Variants in TNK2 observed in about 807,000 individuals in gnomAD.
TNK2 encodes tyrosine kinase non receptor 2.
Under a neutral mutation model 101.8 loss-of-function variants are expected in TNK2, and 83 were observed. That is an observed-to-expected ratio of 0.82 (90% CI 0.68 to 0.98). The LOEUF is 0.98. TNK2 is among the 50% of genes least tolerant of loss of function. The pLI, the probability that TNK2 is intolerant of heterozygous loss-of-function variation, is 0.00. For synonymous variants in TNK2, 804 were observed against 633.0 expected, an observed-to-expected ratio of 1.27 and a Z score of -4.06; for missense variants, 1,665 against 1,483.2, an observed-to-expected ratio of 1.12 and a Z score of -2.01.
In TNK2 at chr3:195,883,468, C is replaced by T. The variant is rs1249971146; in HGVS notation, c.457-159G>A. 3.0e-5 allele frequency: 25 copies of T among 820,016 alleles called. No homozygotes were observed. The East Asian group carries it at 3.6e-4, about 12-fold the overall frequency. The allele number at this position is 820,016 out of a possible 1,614,324, so 50.8% of individuals were successfully genotyped here. A position where few individuals can be genotyped will look rare whatever the true frequency, so the allele number is the denominator to read the frequency against. On this transcript the variant is annotated intron_variant, in intron 4 of 15. Transcript: ENST00000672887. ...CCAGTGCCTGGGCTTACGTGCTCTG[C>T]GTGAGGCCTGGCTGGAGAAGGGCAG...
intron 12 of TNK2, 80 bp downstream of exon 12, chr3:195,869,417 A>G: frequency 1.5e-6 from 1 of 651,634 alleles, no homozygotes; most frequent in Non-Finnish European, 2.6e-6. Flanking sequence ...CCAGCCGCCC[A>G]GGCTCTGTAC....
At chr3:195,893,583 T>C (rs1759453992) in intron 1 of TNK2, among the ~76,000 whole-genome samples, 1 of 152,074 alleles carries the variant, frequency 6.6e-6, no homozygotes, top group African/African-American at 2.4e-5. Context: ...CTCATGTTTC[T>C]AGAACTGACA....
At chr3:195,887,877 C>CGCGTGCGTACGCACGT (rs1756609154) in intron 2 of TNK2, among the ~76,000 whole-genome samples, 1 of 146,302 alleles carries the variant, frequency 6.8e-6, no homozygotes, top group African/African-American at 2.6e-5. Flanking sequence ...GGCGTGTGAG[C>CGCGTGCGTACGCACGT]GCGTGCGTAC....
chr3:195,893,108 G>A lies in TNK2; in HGVS notation c.-18-4502C>T, dbSNP rs537836421. Among the ~76,000 whole-genome samples the A allele has an allele frequency of 5.3e-5, 8 of 152,046 alleles. No individual in the cohort carries two copies. In the East Asian group the frequency reaches 1.6e-3, roughly 30 times the overall value. On this transcript the variant is annotated intron_variant, in intron 1 of 15. Coordinates refer to ENST00000672887, the MANE Select transcript of TNK2 (RefSeq NM_001382273.1). ...CCTCATGGACCTGTGTGGGGACGTG[G>A]GGACTAACACACAGCCTGAGTGGGA...
At chr3:195,887,725 CTG>C (rs758013880) in intron 2 of TNK2, among the ~76,000 whole-genome samples, 4 of 151,974 alleles carry the variant, frequency 2.6e-5, no homozygotes, top group Non-Finnish European at 5.9e-5. Flanking sequence ...CAGAGCAAAC[CTG>C]TGTGTATGTG....
In TNK2 at chr3:195,863,886, G is replaced by T; in HGVS notation, c.*295C>A. 1 of 425,370 alleles carries T rather than the reference G, an allele frequency of 2.4e-6. No individual in the cohort carries two copies. 26.3% of individuals were successfully genotyped at this position (425,370 alleles called of 1,614,324 possible). A position where few individuals can be genotyped will look rare whatever the true frequency, so the allele number is the denominator to read the frequency against. ...GGCCCCGCCCAGGACCAGGGCCAGA[G>T]GCAGGTCATACCCAGAGCCTGCTGG... On this transcript the variant is annotated 3_prime_UTR_variant, in exon 16 of 16. Coordinates refer to ENST00000672887, the MANE Select transcript of TNK2 (RefSeq NM_001382273.1).
chr3:195,877,223 ATAACACCCC>A (rs1749912007), intron 9 of TNK2, among the ~76,000 whole-genome samples: 1 of 152,110 alleles, frequency 6.6e-6, no homozygotes, highest in African/African-American at 2.4e-5. Flanking sequence ...CTTCCCCAGC[ATAACACCCC>A]TAACCACAGG....
intron 1 of TNK2, among the ~76,000 whole-genome samples, chr3:195,889,570 T>C (rs948589826): frequency 3.3e-5 from 5 of 152,222 alleles, no homozygotes; most frequent in African/African-American, 1.2e-4. Flanking sequence ...TCACTTAATA[T>C]TCGTCTTTCT....
chr3:195,868,215 G>T lies in TNK2; in HGVS notation c.2083C>A (p.Pro695Thr). The change falls in exon 13 of 16, where the codon CCC (proline) becomes ACC (threonine). Residue 695 changes from proline to threonine, a missense_variant. By Grantham distance (38) the Pro-to-Thr change is conservative. This residue lies in a region of TNK2 where 1,136 missense variants were observed against 894.9 expected (regional missense o/e 1.27). Coordinates refer to ENST00000672887, the MANE Select transcript of TNK2 (RefSeq NM_001382273.1). ...YAFVPEQARP[P>T]PPLEDNLFLP... ...AACAGGTTGTCCTCCAGGGGAGGGGGCGGCCGCGCCTGCTCAGGCACAAAG... is the reference window on the plus strand; with the variant it reads ...AACAGGTTGTCCTCCAGGGGAGGGGTCGGCCGCGCCTGCTCAGGCACAAAG... 1.2e-6 allele frequency: 2 copies of T among 1,607,198 alleles called. No homozygotes were observed. Among genetic ancestry groups the T allele is most frequent in the African/African-American group, 2.7e-5 (2 of 74,950 alleles).
chr3:195,892,380 C>G, intron 1 of TNK2: 1 of 1,518,996 alleles, frequency 6.6e-7, no homozygotes, highest in Non-Finnish European at 8.8e-7. Context: ...CCAACCAGTC[C>G]CCAGCAGTCC....
chr3:195,866,303 C>A (rs898127722), intron 15 of TNK2, among the ~76,000 whole-genome samples: 1 of 152,022 alleles, frequency 6.6e-6, no homozygotes, highest in African/African-American at 2.4e-5. Context: ...CAGGTTGAAG[C>A]GATTCTCCTG....
intron 14 of TNK2, 45 bp from the exon 15 acceptor site, chr3:195,867,061 G>T: frequency 1.2e-6 from 2 of 1,610,510 alleles, no homozygotes; most frequent in Non-Finnish European, 8.5e-7. Flanking sequence ...CCAGGGCACC[G>T]ACTAGGGTGG....
chr3:195,901,933 C>T (rs945666898), intron 1 of TNK2, among the ~76,000 whole-genome samples: 4 of 152,152 alleles, frequency 2.6e-5, no homozygotes, highest in African/African-American at 7.2e-5. Flanking sequence ...CATTCACTGA[C>T]GCTGAGTGAA....
At chr3:195,899,716 T>C (rs1260868851) in intron 1 of TNK2, among the ~76,000 whole-genome samples, 13 of 152,230 alleles carry the variant, frequency 8.5e-5, no homozygotes, top group Non-Finnish European at 1.9e-4. Flanking sequence ...AGCACATAAT[T>C]GTGCTGAAGG....
At chr3:195,879,871 C>G (rs1430021963) in intron 6 of TNK2, among the ~76,000 whole-genome samples, 9 of 152,110 alleles carry the variant, frequency 5.9e-5, no homozygotes, top group African/African-American at 2.2e-4. Flanking sequence ...ATAACCCGCC[C>G]ACTTCATCGT....
Position 195,878,006 on chromosome 3 carries a change from C to T in TNK2, c.1256+247G>A, listed in dbSNP as rs1232045235. 1.3e-5 allele frequency among the ~76,000 whole-genome samples: 2 copies of T among 152,034 alleles called. No individual in the cohort carries two copies. The highest frequency in any genetic ancestry group is 2.9e-5 in the Non-Finnish European group (2 of 67,992). The stretch of plus-strand genomic sequence containing the variant: ...ACTCCCTACCCCTCCATAAAGGCAG[C>T]CTGGCCCAACCACACAGCCAGGGCT... On this transcript the variant is annotated intron_variant, in intron 9 of 15. Coordinates refer to ENST00000672887, the MANE Select transcript of TNK2 (RefSeq NM_001382273.1). The surrounding 1 kb of genome is among the most constrained non-coding windows in gnomAD (Gnocchi z 4.7).
At chr3:195,899,475 C>T (rs1177390623) in intron 1 of TNK2, among the ~76,000 whole-genome samples, 5 of 151,932 alleles carry the variant, frequency 3.3e-5, no homozygotes, top group African/African-American at 7.3e-5. Flanking sequence ...TACAAGTGTG[C>T]GCCACCACGC....
At chr3:195,897,820 C>CCCCCCCA (rs1760793149) in intron 1 of TNK2, among the ~76,000 whole-genome samples, 1 of 5,248 alleles carries the variant, frequency 1.9e-4, no homozygotes, top group Non-Finnish European at 2.8e-4. Flanking sequence ...ACCCCCCCAC[C>CCCCCCCA]CCCCCCCCAC....
chr3:195,902,908 C>T (rs539119684), intron 1 of TNK2, among the ~76,000 whole-genome samples: 1 of 151,952 alleles, frequency 6.6e-6, no homozygotes, highest in East Asian at 2.0e-4. Flanking sequence ...TACCATCACA[C>T]CCGGCTAATT....
Sources: allele counts gnomAD v4.1 joint callset (sites outside exome capture counted in the v4.1 genomes callset), GRCh38; gene constraint gnomAD v4.1.1; regional missense constraint gnomAD v4.1.1; non-coding constraint Gnocchi (gnomAD v3.1); transcripts MANE v1.5; gene names NCBI Gene and HGNC (gene_info 2026-07-23, HGNC 2026-07-21).